The following BMPR2 variants were observed in gnomAD, a reference collection of about 807,000 sequenced individuals.
BMPR2 encodes the protein bone morphogenetic protein receptor type 2.
A neutral mutation model predicts 100.8 loss-of-function variants in BMPR2; 29 were observed. The observed-to-expected ratio is 0.29, with a 90% CI of 0.21 to 0.39. The LOEUF (loss-of-function observed/expected upper bound fraction) is 0.39, where lower values mean the gene tolerates loss of function less well. Ranked by LOEUF, BMPR2 falls within the 10% of genes least tolerant of loss-of-function variation. The probability of loss-of-function intolerance (pLI) is 1.00; values close to 1 mark genes in which losing one functional copy is unlikely to be tolerated. For missense variants in BMPR2, 1,011 were observed against 1,274.5 expected (o/e 0.79, Z 3.15); for synonymous variants, 382 against 442.3 (o/e 0.86, Z 1.71).
Position 202,376,826 on chromosome 2 carries a change from C to CT in BMPR2, c.-648dup. On this transcript the variant is annotated 5_prime_UTR_variant, in exon 1 of 13. Transcript: ENST00000374580. The stretch of plus-strand genomic sequence containing the variant: ...CCTTCGCCAGGGCCTCCCCAACCCT[C>CT]TCACGGTTGTTCTGCGAAGGCGTGG... 1 of 404,342 alleles carries CT rather than the reference C, an allele frequency of 2.5e-6. No homozygotes were observed. The highest frequency in any genetic ancestry group is 4.3e-6 in the Non-Finnish European group (1 of 230,818). The allele number at this position is 404,342 out of a possible 1,614,324, so 25.0% of individuals were successfully genotyped here.
intron 1 of BMPR2, among the ~76,000 whole-genome samples, chr2:202,403,227 T>C (rs1272605800): frequency 8.9e-6 from 1 of 112,470 alleles, no homozygotes; most frequent in Non-Finnish European, 1.7e-5. Flanking sequence ...CGAGACAGAG[T>C]CTTGCTCTGT....
chr2:202,484,992 A>G (rs1309077355), intron 3 of BMPR2, among the ~76,000 whole-genome samples: 2 of 150,420 alleles, frequency 1.3e-5, no homozygotes, highest in Middle Eastern at 3.4e-3. Context: ...AAAAAAAGAA[A>G]GAAAGAAGAA....
intron 1 of BMPR2, among the ~76,000 whole-genome samples, chr2:202,397,891 TG>T (rs769879158): frequency 1.3e-5 from 2 of 151,552 alleles, no homozygotes; most frequent in Non-Finnish European, 2.9e-5. Context: ...GAGGCTGAGG[TG>T]GGCGGATCAC....
At chr2:202,456,149 A>G (rs1384923134) in intron 1 of BMPR2, among the ~76,000 whole-genome samples, 3 of 148,166 alleles carry the variant, frequency 2.0e-5, no homozygotes, top group Non-Finnish European at 4.5e-5. Flanking sequence ...ATCACAAAGG[A>G]CACTATGTTT....
chr2:202,393,708 A>T, intron 1 of BMPR2, among the ~76,000 whole-genome samples: 1 of 152,116 alleles, frequency 6.6e-6, no homozygotes, highest in Non-Finnish European at 1.5e-5. Flanking sequence ...GAAGAAAGTT[A>T]ACAGATAGGA....
chr2:202,429,174 C>T (rs775896722), intron 1 of BMPR2, among the ~76,000 whole-genome samples: 1 of 152,042 alleles, frequency 6.6e-6, no homozygotes, highest in African/African-American at 2.4e-5. Context: ...TTTCTTCTTC[C>T]CCCAATCTCT....
chr2:202,497,943 T>A (rs923315824), intron 3 of BMPR2, among the ~76,000 whole-genome samples: 1 of 152,156 alleles, frequency 6.6e-6, no homozygotes, highest in African/African-American at 2.4e-5. Context: ...AATTTTAGGA[T>A]CCCTCCTCAG....
intron 1 of BMPR2, among the ~76,000 whole-genome samples, chr2:202,438,431 A>G (rs1691660546): frequency 6.7e-6 from 1 of 150,312 alleles, no homozygotes; most frequent in Admixed American, 6.6e-5. Context: ...CACTTTCTTT[A>G]TGGTGTGTTT....
At chr2:202,506,894 CT>C (rs1687529185) in intron 3 of BMPR2, among the ~76,000 whole-genome samples, 1 of 151,500 alleles carries the variant, frequency 6.6e-6, no homozygotes, top group Non-Finnish European at 1.5e-5. Flanking sequence ...GAGCGAAACT[CT>C]GTCTCAAAAA....
At chr2:202,499,532 T>C (rs1687326205) in intron 3 of BMPR2, among the ~76,000 whole-genome samples, 1 of 152,132 alleles carries the variant, frequency 6.6e-6, no homozygotes, top group African/African-American at 2.4e-5. Context: ...GCCCATGAAT[T>C]ATTCAATGAT....
intron 3 of BMPR2, among the ~76,000 whole-genome samples, chr2:202,483,926 T>C (rs1692714732): frequency 6.6e-6 from 1 of 152,094 alleles, no homozygotes; most frequent in Admixed American, 6.6e-5. Context: ...ACCTTGTCTC[T>C]GAAAAATAAA....
At chr2:202,534,789 C>T (rs1190387575) in intron 9 of BMPR2, among the ~76,000 whole-genome samples, 2 of 151,952 alleles carry the variant, frequency 1.3e-5, no homozygotes, top group Non-Finnish European at 2.9e-5. Context: ...ACCTCCCAGA[C>T]GGGGTGGTGG....
At chr2:202,423,483 G>A (rs917896733) in intron 1 of BMPR2, among the ~76,000 whole-genome samples, 2 of 152,214 alleles carry the variant, frequency 1.3e-5, no homozygotes, top group East Asian at 1.9e-4. Flanking sequence ...AGGCACTGTG[G>A]CACACACCTG....
At chr2:202,544,232 A>G (rs1364948952) in intron 10 of BMPR2, among the ~76,000 whole-genome samples, 1 of 152,160 alleles carries the variant, frequency 6.6e-6, no homozygotes. Context: ...TTTAGGCTAT[A>G]CTCAGAAGCG....
chr2:202,416,489 G>A (rs1347100110), intron 1 of BMPR2, among the ~76,000 whole-genome samples: 4 of 150,624 alleles, frequency 2.7e-5, no homozygotes, highest in Admixed American at 6.6e-5. Context: ...GCAGTGGTGC[G>A]ATCTCGGCTC....
intron 1 of BMPR2, among the ~76,000 whole-genome samples, chr2:202,424,178 A>ATGTTG (rs1691332936): frequency 2.6e-5 from 4 of 151,564 alleles, no homozygotes; most frequent in African/African-American, 4.8e-5. Flanking sequence ...ATTTGAGACC[A>ATGTTG]GCCTGGCCAA....
rs1688738050 is a variant in BMPR2 at position 202,565,053 on chromosome 2, A to C, written c.*5107A>C. On this transcript the variant is annotated 3_prime_UTR_variant, in exon 13 of 13. Coordinates refer to ENST00000374580, the MANE Select transcript of BMPR2 (RefSeq NM_001204.7). The stretch of plus-strand genomic sequence containing the variant: ...TACAGAGTGAGACTCCATCTCAAAA[A>C]AAAACAAAAAAAATCACCTCATAGT... 1 of 152,206 alleles carries C rather than the reference A, an allele frequency of 6.6e-6. No homozygotes were observed. Among genetic ancestry groups the C allele is most frequent in the African/African-American group, 2.4e-5 (1 of 41,444 alleles). 9.4% of individuals were successfully genotyped at this position (152,206 alleles called of 1,614,324 possible). A position where few individuals can be genotyped will look rare whatever the true frequency, so the allele number is the denominator to read the frequency against.
At chr2:202,527,137 T>TA (rs1403240825) in intron 7 of BMPR2, among the ~76,000 whole-genome samples, 1 of 152,130 alleles carries the variant, frequency 6.6e-6, no homozygotes, top group Non-Finnish European at 1.5e-5. Flanking sequence ...GAGCTGGGAT[T>TA]ACAGGCATGA....
intron 12 of BMPR2, among the ~76,000 whole-genome samples, chr2:202,556,971 C>T (rs1688585837): frequency 6.7e-6 from 1 of 150,340 alleles, no homozygotes; most frequent in African/African-American, 2.5e-5. Context: ...TAATCCCAGC[C>T]GAGATCACGA....
Sources: allele counts gnomAD v4.1 joint callset (sites outside exome capture counted in the v4.1 genomes callset), GRCh38; gene constraint gnomAD v4.1.1; transcripts MANE v1.5; gene names NCBI Gene and HGNC (gene_info 2026-07-23, HGNC 2026-07-21).